MICAL2: variants seen among roughly 807,000 people sequenced by gnomAD.
MICAL2 encodes the protein [F-actin]-monooxygenase MICAL2.
A neutral mutation model predicts 127.3 loss-of-function variants in MICAL2; 77 were observed. That is an observed-to-expected ratio of 0.60 (90% CI 0.50 to 0.73). MICAL2 has a LOEUF of 0.73. MICAL2 is among the 30% of genes least tolerant of loss of function. MICAL2 has a pLI of 0.00. For missense variants in MICAL2, 1,351 were observed against 1,434.4 expected (o/e 0.94, Z 0.94); for synonymous variants, 570 against 551.1 (o/e 1.03, Z -0.48).
At chr11:12,257,087 T>C in intron 24 of MICAL2, 116 bp downstream of exon 24, 1 of 1,128,720 alleles carries the variant, frequency 8.9e-7, no homozygotes, top group East Asian at 2.6e-5. Context: ...CAAAAGGAAG[T>C]ATGATGTCAT....
At chr11:12,260,763 G>T in intron 26 of MICAL2, 1 of 985,436 alleles carries the variant, frequency 1.0e-6, no homozygotes, top group South Asian at 4.7e-5. Context: ...TGTGTGGTTG[G>T]CTGTTATCTG....
Position 12,180,349 on chromosome 11 carries a change from A to ATATATATATATTT in MICAL2, c.264+17931_264+17932insATATATATATTTT, listed in dbSNP as rs11403732. ...TTTATATACATGTATATATGTATAT[A>ATATATATATATTT]TTTTTTTTTTGGCAGGAAGGTTTCC... On this transcript the variant is annotated intron_variant, in intron 3 of 27. Transcript: ENST00000683283. 2.9e-3 allele frequency among the ~76,000 whole-genome samples: 399 copies of ATATATATATATTT among 139,678 alleles called. 5 individuals are homozygous for ATATATATATATTT. The highest frequency in any genetic ancestry group is 0.01 in the African/African-American group (382 of 37,624). The allele number at this position is 139,678 out of a possible 152,430, so 91.6% of individuals were successfully genotyped here.
intron 29 of MICAL2, among the ~76,000 whole-genome samples, chr11:12,311,697 T>C (rs1864176496): frequency 6.6e-6 from 1 of 152,214 alleles, no homozygotes; most frequent in East Asian, 1.9e-4. Context: ...TGAGGCACCA[T>C]GCCTGGCCAA....
chr11:12,293,631 G>A (rs1239215258), downstream of MICAL2: 6 of 1,613,958 alleles, frequency 3.7e-6, no homozygotes, highest in Admixed American at 1.7e-5. Context: ...AACTTTCGGA[G>A]GCGAGCCGTA....
In MICAL2 at chr11:12,249,102, A is replaced by C. The variant is rs1320646384; in HGVS notation, c.2785-82A>C. On this transcript the variant is annotated intron_variant, in intron 21 of 27. Transcript: ENST00000683283. ...GCAAAATGCCTGAAGTATCCTGTAAAGCTTCTCTTTCCCCAGTGGAAGAGA... is the reference window on the plus strand; with the variant it reads ...GCAAAATGCCTGAAGTATCCTGTAACGCTTCTCTTTCCCCAGTGGAAGAGA... The C allele has an allele frequency of 3.2e-6, 5 of 1,579,830 alleles. No individual in the cohort carries two copies. The East Asian group carries it at 1.1e-4, about 35-fold the overall frequency.
At chr11:12,228,627 A>G (rs1857792761) in intron 15 of MICAL2, among the ~76,000 whole-genome samples, 1 of 152,202 alleles carries the variant, frequency 6.6e-6, no homozygotes, top group Admixed American at 6.5e-5. Context: ...CAGAGCAGCC[A>G]GGAAAGAAGA....
chr11:12,123,969 C>A (rs1286881629), intron 1 of MICAL2, among the ~76,000 whole-genome samples: 3 of 152,202 alleles, frequency 2.0e-5, no homozygotes, highest in Non-Finnish European at 4.4e-5. Context: ...CTTAATGCAG[C>A]CCAAGACTCT....
chr11:12,162,021 AT>A (rs1178659574), intron 2 of MICAL2, 57 bp from the exon 3 acceptor site: 4 of 1,203,018 alleles, frequency 3.3e-6, no homozygotes, highest in Non-Finnish European at 4.7e-6. Context: ...CTCAGCACCC[AT>A]CCCCCACCCT....
At chr11:12,242,614 T>A in intron 19 of MICAL2, 57 bp from the exon 20 acceptor site, 2 of 1,538,332 alleles carry the variant, frequency 1.3e-6, no homozygotes, top group Admixed American at 1.7e-5. Context: ...GGAAGCCAAC[T>A]GTCTCAGTCT....
At chr11:12,283,873 C>T (rs188933358) in intron 2 of MICAL2, among the ~76,000 whole-genome samples, 2 of 152,280 alleles carry the variant, frequency 1.3e-5, no homozygotes, top group East Asian at 1.9e-4. Flanking sequence ...GCAGAAAGCC[C>T]CCTAAAACAT....
At chr11:12,251,877 CTAAGTAGT>C (rs1861609750) in intron 22 of MICAL2, among the ~76,000 whole-genome samples, 1 of 152,168 alleles carries the variant, frequency 6.6e-6, no homozygotes, top group Non-Finnish European at 1.5e-5. Flanking sequence ...TGCTTATTAG[CTAAGTAGT>C]TAATAAGGTC....
chr11:12,271,961 C>T (rs1863680349), upstream of MICAL2, among the ~76,000 whole-genome samples: 1 of 152,170 alleles, frequency 6.6e-6, no homozygotes, highest in Admixed American at 6.5e-5. Flanking sequence ...GCTGTCCCTG[C>T]CCTGATGTCT....
downstream of MICAL2, among the ~76,000 whole-genome samples, chr11:12,287,974 T>G (rs1407730736): frequency 6.6e-6 from 1 of 151,804 alleles, no homozygotes; most frequent in African/African-American, 2.4e-5. Flanking sequence ...AGACAGGGGT[T>G]TCTACCAAGA....
chr11:12,257,751 C>T (rs1862511650), intron 24 of MICAL2, among the ~76,000 whole-genome samples: 1 of 152,200 alleles, frequency 6.6e-6, no homozygotes, highest in South Asian at 2.1e-4. Context: ...TCATGCCTGG[C>T]ATACAGTCAT....
At chr11:12,259,418 A>T (rs1862795991) in intron 25 of MICAL2, among the ~76,000 whole-genome samples, 1 of 152,200 alleles carries the variant, frequency 6.6e-6, no homozygotes, top group Non-Finnish European at 1.5e-5. Flanking sequence ...AATGGTCAAT[A>T]ATTTACTTCA....
At chr11:12,233,204 G>C (rs1365272433) in intron 15 of MICAL2, among the ~76,000 whole-genome samples, 1 of 152,202 alleles carries the variant, frequency 6.6e-6, no homozygotes, top group African/African-American at 2.4e-5. Context: ...TCTCACAACA[G>C]CTTATGAACT....
At chr11:12,115,414 A>G (rs1173233733) in intron 1 of MICAL2, among the ~76,000 whole-genome samples, 1 of 152,196 alleles carries the variant, frequency 6.6e-6, no homozygotes. Context: ...ACAGCCCTCA[A>G]CATGAAGACA....
At chr11:12,240,562 A>T (rs1859765905) in intron 17 of MICAL2, among the ~76,000 whole-genome samples, 1 of 152,176 alleles carries the variant, frequency 6.6e-6, no homozygotes, top group Non-Finnish European at 1.5e-5. Context: ...AACTCTCCAC[A>T]AATTTTCTTG....
Position 12,256,867 on chromosome 11 carries a change from A to G in MICAL2, c.3038A>G (p.Glu1013Gly). The change falls in exon 24 of 28, where the codon GAA becomes GGA. Residue 1013 changes from glutamate (E) to glycine (G), a missense_variant. By Grantham distance (98) the Glu-to-Gly change is moderately conservative. Around this residue, in one of 2 missense-constraint regions of MICAL2, gnomAD observed 752 missense variants for 719.4 expected, o/e 1.05. Transcript: ENST00000683283. ...TGTAAGAAACGTGTGTACGTGATGG[A>G]ACGGCTGAGCGCCGAGGGCCACTTC... The part of the protein sequence containing the change: ...YFCKKRVYVM[E>G]RLSAEGHFFH... 1 of 1,614,208 alleles carries G rather than the reference A, an allele frequency of 6.2e-7. No homozygotes were observed. Among genetic ancestry groups the G allele is most frequent in the Non-Finnish European group, 8.5e-7 (1 of 1,180,028 alleles).
Sources: gnomAD v4.1 joint callset for allele counts (sites outside exome capture counted in the v4.1 genomes callset) on GRCh38, gnomAD v4.1.1 for gene constraint, gnomAD v4.1.1 regional missense constraint, MANE v1.5 for transcripts, NCBI Gene and HGNC (gene_info 2026-07-23, HGNC 2026-07-21) for gene names.